The following SEZ6L variants were observed in gnomAD, a reference collection of about 807,000 sequenced individuals.
The protein encoded by SEZ6L is seizure related 6 homolog like.
SEZ6L carries 37 observed loss-of-function variants against 106.2 expected under a neutral mutation model. The ratio of observed to expected loss-of-function variants is 0.35; its 90% CI spans 0.27 to 0.46. The LOEUF (loss-of-function observed/expected upper bound fraction) is 0.46. SEZ6L is among the 20% of genes least tolerant of loss of function. SEZ6L has a pLI of 1.00. For synonymous variants in SEZ6L, 541 were observed against 570.4 expected (o/e 0.95, Z 0.73); for missense variants, 1,172 against 1,332.8 (o/e 0.88, Z 1.88).
intron 1 of SEZ6L, among the ~76,000 whole-genome samples, chr22:26,230,332 A>G (rs2078761961): frequency 6.7e-6 from 1 of 150,272 alleles, no homozygotes; most frequent in South Asian, 2.1e-4. Flanking sequence ...AAAAAAAAAC[A>G]AGAAGAAGTT....
At chr22:26,231,398 A>C (rs2078794096) in intron 1 of SEZ6L, among the ~76,000 whole-genome samples, 1 of 152,014 alleles carries the variant, frequency 6.6e-6, no homozygotes, top group African/African-American at 2.4e-5. Flanking sequence ...GCTAGTCCTC[A>C]ATTTGGTTCA....
At chr22:26,183,601 A>G (rs947504624) in intron 1 of SEZ6L, among the ~76,000 whole-genome samples, 3 of 152,240 alleles carry the variant, frequency 2.0e-5, no homozygotes, top group African/African-American at 4.8e-5. Flanking sequence ...AGAACCTCCA[A>G]TAACCATCCC....
intron 1 of SEZ6L, chr22:26,241,549 T>G (rs926597214): frequency 6.6e-6 from 1 of 152,176 alleles, no homozygotes; most frequent in Admixed American, 6.5e-5. Context: ...TATTGTTGCT[T>G]CGTTCAATAC....
intron 1 of SEZ6L, chr22:26,244,448 G>A (rs897598297): frequency 7.9e-5 from 12 of 152,314 alleles, no homozygotes; most frequent in Admixed American, 3.3e-4. Flanking sequence ...GGCTTCCCAA[G>A]GAGAGAGAAA....
At chr22:26,210,996 C>G (rs989431812) in intron 1 of SEZ6L, among the ~76,000 whole-genome samples, 1 of 152,140 alleles carries the variant, frequency 6.6e-6, no homozygotes, top group African/African-American at 2.4e-5. Context: ...GCCACGTTCT[C>G]TTATATACTA....
chr22:26,346,213 T>A (rs1207165966), intron 10 of SEZ6L, among the ~76,000 whole-genome samples: 1 of 151,960 alleles, frequency 6.6e-6, no homozygotes, highest in Non-Finnish European at 1.5e-5. Flanking sequence ...GTTTTATTAT[T>A]GTTTTTGTAG....
chr22:26,169,796 G>C, intron 1 of SEZ6L, 33 bp downstream of exon 1: 1 of 1,145,054 alleles, frequency 8.7e-7, no homozygotes, highest in Non-Finnish European at 1.1e-6. Context: ...CGGGCAGGGG[G>C]CAAAGTTGCC....
In SEZ6L at chr22:26,294,958, T is replaced by G. The variant is rs8135965; in HGVS notation, c.969+533T>G. Among the ~76,000 whole-genome samples, 919 of 119,748 alleles carry G rather than the reference T, an allele frequency of 7.7e-3. 33 individuals are homozygous for G. The highest frequency in any genetic ancestry group is 0.027 in the African/African-American group (773 of 29,026). 78.6% of individuals were successfully genotyped at this position (119,748 alleles called of 152,430 possible). On this transcript the variant is annotated intron_variant, in intron 3 of 16. Transcript: ENST00000248933. ...CTCTTTCTTTCTTTCTTTCTTTCTT[T>G]CTTGCTTGCTTGCTTGCTTTCCTTC...
chr22:26,340,593 A>C lies in SEZ6L; in HGVS notation c.2173A>C (p.Ile725Leu), dbSNP rs766830199. ...IQFHSDPAGLIFGKGQGFIMN... is the reference protein window; with the variant it reads ...IQFHSDPAGLLFGKGQGFIMN... ...GTTCCATTCGGACCCTGCTGGCCTC[A>C]TCTTTGGAAAGGGCCAGGGATTTAT... Residue 725 changes from isoleucine (I) to leucine (L), a missense_variant, in exon 10 of 17, where the codon ATC becomes CTC. Ile to Leu is a conservative substitution (Grantham distance 5). This residue lies in a region of SEZ6L where 534 missense variants were observed against 691.0 expected (regional missense o/e 0.77). Coordinates refer to ENST00000248933, the MANE Select transcript of SEZ6L (RefSeq NM_021115.5). 1.1e-5 allele frequency: 17 copies of C among 1,613,900 alleles called. No individual in the cohort carries two copies. In the Admixed American group the frequency reaches 2.8e-4, roughly 27 times the overall value.
At chr22:26,349,808 G>C (rs1040586215) in intron 11 of SEZ6L, among the ~76,000 whole-genome samples, 2 of 152,148 alleles carry the variant, frequency 1.3e-5, no homozygotes, top group African/African-American at 4.8e-5. Flanking sequence ...CAAACTTCCT[G>C]CATCTGCTTT....
chr22:26,197,030 A>G (rs780326175), intron 1 of SEZ6L, among the ~76,000 whole-genome samples: 2 of 152,206 alleles, frequency 1.3e-5, no homozygotes, highest in African/African-American at 2.4e-5. Flanking sequence ...TTGCTGATAC[A>G]TTTTAGAGAG....
chr22:26,243,218 AG>A (rs2040655891), intron 1 of SEZ6L, among the ~76,000 whole-genome samples: 1 of 152,232 alleles, frequency 6.6e-6, no homozygotes, highest in African/African-American at 2.4e-5. Flanking sequence ...TCACAGGTAC[AG>A]GGGGTTAGGA....
chr22:26,375,829 C>G, intron 15 of SEZ6L, 140 bp downstream of exon 15: 1 of 620,090 alleles, frequency 1.6e-6, no homozygotes, highest in Non-Finnish European at 2.9e-6. Context: ...CAGAGATGCC[C>G]AGATTCAGCC....
chr22:26,336,701 T>C (rs1211402428), intron 9 of SEZ6L, among the ~76,000 whole-genome samples: 1 of 152,190 alleles, frequency 6.6e-6, no homozygotes, highest in Non-Finnish European at 1.5e-5. Context: ...TGTTGACATT[T>C]TGGACTAGAT....
chr22:26,192,002 C>T (rs571261813), intron 1 of SEZ6L, among the ~76,000 whole-genome samples: 2 of 152,082 alleles, frequency 1.3e-5, no homozygotes, highest in Non-Finnish European at 2.9e-5. Flanking sequence ...ATCCATCCAT[C>T]CATCCATCCA....
Position 26,348,565 on chromosome 22 carries a change from G to A in SEZ6L, c.2407+652G>A, listed in dbSNP as rs1309926910. ...AGGAAGGAAGGAAGGAAGGAAGGGA[G>A]GAAAGAAAGAAAGAAAGAAAGAGAA... On this transcript the variant is annotated intron_variant, in intron 11 of 16. Transcript: ENST00000248933. Among the ~76,000 whole-genome samples the A allele has an allele frequency of 9.4e-3, 325 of 34,666 alleles. 11 individuals carry two copies. The highest frequency in any genetic ancestry group is 0.045 in the East Asian group (61 of 1,354). 22.7% of individuals were successfully genotyped at this position (34,666 alleles called of 152,430 possible).
At chr22:26,226,885 C>A (rs1198161430) in intron 1 of SEZ6L, among the ~76,000 whole-genome samples, 1 of 152,160 alleles carries the variant, frequency 6.6e-6, no homozygotes, top group Non-Finnish European at 1.5e-5. Flanking sequence ...GACAAAGACC[C>A]CTTCTACCAT....
intron 1 of SEZ6L, among the ~76,000 whole-genome samples, chr22:26,170,719 A>G (rs134756): frequency 0.045 from 6,820 of 152,190 alleles, 484 homozygotes; most frequent in African/African-American, 0.15. Flanking sequence ...TCAGGCACCT[A>G]GGAGACCCGA....
intron 3 of SEZ6L, 114 bp from the exon 4 acceptor site, chr22:26,296,774 G>A: frequency 1.1e-6 from 1 of 870,254 alleles, no homozygotes; most frequent in Non-Finnish European, 1.6e-6. Context: ...GGGTCCCGTT[G>A]ACCAGGGGCT....
Sources: gnomAD v4.1 joint callset for allele counts (sites outside exome capture counted in the v4.1 genomes callset) on GRCh38, gnomAD v4.1.1 for gene constraint, gnomAD v4.1.1 regional missense constraint, MANE v1.5 for transcripts, NCBI Gene and HGNC (gene_info 2026-07-23, HGNC 2026-07-21) for gene names.